WDFY4: variants seen among roughly 807,000 people sequenced by gnomAD.
WDFY4 encodes the protein WDFY family member 4, also known as WD repeat- and FYVE domain-containing protein 4.
WDFY4 carries 169 observed loss-of-function variants against 351.9 expected under a neutral mutation model. The observed-to-expected ratio is 0.48, with a 90% confidence interval of 0.42 to 0.55. WDFY4 has a LOEUF of 0.55. Among genes scored for constraint, WDFY4 ranks in the 20% least tolerant of loss-of-function variants. The probability of loss-of-function intolerance (pLI) is 0.00; values close to 1 mark genes in which losing one functional copy is unlikely to be tolerated. For synonymous variants in WDFY4, 1,622 were observed against 1,574.6 expected, an observed-to-expected ratio of 1.03 and a Z score of -0.71; for missense variants, 3,803 against 3,935.6, an observed-to-expected ratio of 0.97 and a Z score of 0.90.
At chr10:48,824,291 G>C in intron 35 of WDFY4, 1 of 683,916 alleles carries the variant, frequency 1.5e-6, no homozygotes, top group Non-Finnish European at 1.8e-6. Flanking sequence ...TAGCGTCTAT[G>C]GTGTTTTTAT....
chr10:48,716,732 C>T (rs1475402876), intron 2 of WDFY4, among the ~76,000 whole-genome samples: 1 of 152,174 alleles, frequency 6.6e-6, no homozygotes, highest in Non-Finnish European at 1.5e-5. Context: ...TCCTGGAGTC[C>T]CACTGCTCCA....
rs374921191 is a variant in WDFY4 at position 48,724,786 on chromosome 10, G to A, written c.592-1095G>A. On this transcript the variant is annotated intron_variant, in intron 5 of 61. Transcript: ENST00000325239. ...CAGAAGGATGAAGAAGTCAAACAAG[G>A]GGAAAACAATCCAGGAATAAGTGTG... is the stretch of plus-strand genomic sequence containing the variant. 1.3e-3 allele frequency among the ~76,000 whole-genome samples: 202 copies of A among 152,196 alleles called. 1 individual carries two copies. Among genetic ancestry groups the A allele is most frequent in the African/African-American group, 4.3e-3 (180 of 41,516 alleles).
chr10:48,705,389 C>G (rs140475195), intron 1 of WDFY4, among the ~76,000 whole-genome samples: 125 of 152,266 alleles, frequency 8.2e-4, no homozygotes, highest in African/African-American at 2.8e-3. Flanking sequence ...CCTGGCCTCG[C>G]CTGGGACTCC....
In WDFY4 at chr10:48,878,917, G is replaced by A. The variant is rs535456755; in HGVS notation, c.7167+1718G>A. Among the ~76,000 whole-genome samples the A allele has an allele frequency of 1.4e-3, 213 of 152,310 alleles. 1 individual carries two copies. The highest frequency in any genetic ancestry group is 4.8e-3 in the African/African-American group (199 of 41,556). ...GATGAATGACGTGCTAAATTCATGT[G>A]CATTTTATTTTGATAATGGAAGTAT... On this transcript the variant is annotated intron_variant, in intron 43 of 61. Transcript: ENST00000325239.
chr10:48,774,743 A>G (rs2065973490), intron 14 of WDFY4, 71 bp downstream of exon 14: 1 of 1,518,082 alleles, frequency 6.6e-7, no homozygotes. Context: ...GGGTTGCACA[A>G]TGGGCAGTGG....
Position 48,982,689 on chromosome 10 carries a change from G to C in WDFY4, c.*114G>C. ...AACCCCCAGGGCCTCCTTCCCCACAGTTCTCAAGGAAGGGCCTCTGGCAAT... is the reference window on the plus strand; with the variant it reads ...AACCCCCAGGGCCTCCTTCCCCACACTTCTCAAGGAAGGGCCTCTGGCAAT... On this transcript the variant is annotated 3_prime_UTR_variant, in exon 62 of 62. Coordinates refer to ENST00000325239, the MANE Select transcript of WDFY4 (RefSeq NM_001394531.1). The C allele has an allele frequency of 9.3e-7, 1 of 1,072,776 alleles. No homozygotes were observed. Among genetic ancestry groups the C allele is most frequent in the South Asian group, 1.3e-5 (1 of 74,234 alleles). 66.5% of individuals were successfully genotyped at this position (1,072,776 alleles called of 1,614,324 possible).
chr10:48,696,800 C>T (rs12783753), intron 1 of WDFY4, among the ~76,000 whole-genome samples: 45,888 of 152,228 alleles, frequency 0.3, 7,359 homozygotes, highest in Middle Eastern at 0.36. Flanking sequence ...CCATGCAGTG[C>T]GCACTCTGTG....
chr10:48,947,825 G>A (rs1182952017), intron 51 of WDFY4, among the ~76,000 whole-genome samples: 1 of 152,202 alleles, frequency 6.6e-6, no homozygotes, highest in African/African-American at 2.4e-5. Context: ...AGAGAATATA[G>A]CACAGGGAGT....
chr10:48,941,254 C>A (rs952422263), intron 47 of WDFY4, among the ~76,000 whole-genome samples: 1 of 152,054 alleles, frequency 6.6e-6, no homozygotes, highest in African/African-American at 2.4e-5. Flanking sequence ...ACGATGTGAT[C>A]CCATGTATGA....
rs372151168 is a variant in WDFY4 at position 48,826,871 on chromosome 10, G to A, written c.6183G>A (p.Leu2061=). The A allele has an allele frequency of 5.8e-6, 9 of 1,551,612 alleles. No homozygotes were observed. Among genetic ancestry groups the A allele is most frequent in the African/African-American group, 2.7e-5 (2 of 73,042 alleles). Residue 2061 remains leucine (L), a synonymous_variant, in exon 36 of 62, where the codon CTG becomes CTA. Transcript: ENST00000325239. The part of the protein sequence containing the change: ...ATYNSNISFL[L]CLMHCLLLLN... ...ACAATTCCAACATCAGCTTCCTCCT[G>A]TGTCTCATGCATTGCCTTTTGCTAC...
At chr10:48,914,447 A>G (rs1838313178) in intron 47 of WDFY4, among the ~76,000 whole-genome samples, 1 of 152,210 alleles carries the variant, frequency 6.6e-6, no homozygotes, top group Non-Finnish European at 1.5e-5. Flanking sequence ...TAGGAGGTGC[A>G]GGGTCAGCCT....
At chr10:48,953,265 A>C (rs1387134915) in intron 51 of WDFY4, among the ~76,000 whole-genome samples, 1 of 148,128 alleles carries the variant, frequency 6.8e-6, no homozygotes, top group African/African-American at 2.5e-5. Context: ...TTCATTTGGC[A>C]CCTCTTTCTA....
chr10:48,811,063 G>A (rs567841418), intron 29 of WDFY4, among the ~76,000 whole-genome samples: 2 of 152,312 alleles, frequency 1.3e-5, no homozygotes, highest in East Asian at 3.9e-4. Flanking sequence ...TGAGATCTCA[G>A]TTCAAATGCC....
intron 56 of WDFY4, among the ~76,000 whole-genome samples, chr10:48,969,884 C>A (rs750295104): frequency 6.6e-6 from 1 of 152,212 alleles, no homozygotes; most frequent in Admixed American, 6.5e-5. Context: ...AGCTAAGCCA[C>A]CCCGTGCTGG....
chr10:48,843,120 C>T (rs936347966), intron 39 of WDFY4, among the ~76,000 whole-genome samples: 1 of 152,188 alleles, frequency 6.6e-6, no homozygotes, highest in Non-Finnish European at 1.5e-5. Flanking sequence ...ACCGAAAAGT[C>T]CTTAGGGACA....
At chr10:48,965,031 G>A (rs1842016760) in intron 54 of WDFY4, among the ~76,000 whole-genome samples, 1 of 152,202 alleles carries the variant, frequency 6.6e-6, no homozygotes, top group Non-Finnish European at 1.5e-5. Flanking sequence ...TCCAGTGTGG[G>A]TTTGCTGGGA....
At chr10:48,828,077 T>C (rs1005772797) in intron 36 of WDFY4, among the ~76,000 whole-genome samples, 2 of 152,212 alleles carry the variant, frequency 1.3e-5, no homozygotes, top group African/African-American at 4.8e-5. Flanking sequence ...CAGGTTATTT[T>C]CCTTTCCATG....
rs11101510 is a variant in WDFY4 at position 48,810,785 on chromosome 10, T to A, written c.5044+50T>A. On this transcript the variant is annotated intron_variant, in intron 29 of 61. Transcript: ENST00000325239. ...AGTGGGGCACCACCTAGTCCTGGGA[T>A]GTGAATGAGGACCAAGCCAGGCCCC... 1.7e-3 allele frequency: 2,425 copies of A among 1,456,478 alleles called. 27 individuals are homozygous for A. The African/African-American group carries it at 0.029, about 17-fold the overall frequency. The allele number at this position is 1,456,478 out of a possible 1,614,324, so 90.2% of individuals were successfully genotyped here.
At chr10:48,835,086 T>C (rs2068338099) in intron 39 of WDFY4, among the ~76,000 whole-genome samples, 1 of 152,218 alleles carries the variant, frequency 6.6e-6, no homozygotes, top group South Asian at 2.1e-4. Flanking sequence ...TCAACAAATA[T>C]TTATTGAGCA....
Sources: gnomAD v4.1 joint callset for allele counts (sites outside exome capture counted in the v4.1 genomes callset) on GRCh38, gnomAD v4.1.1 for gene constraint, MANE v1.5 for transcripts, NCBI Gene and HGNC (gene_info 2026-07-23, HGNC 2026-07-21) for gene names.